The following MMP2 variants were observed in gnomAD, a reference collection of about 807,000 sequenced individuals.
The protein encoded by MMP2 is 72 kDa type IV collagenase.
MMP2 carries 39 observed loss-of-function variants against 74.8 expected under a neutral mutation model. The ratio of observed to expected loss-of-function variants is 0.52; its 90% CI spans 0.40 to 0.68. The LOEUF (loss-of-function observed/expected upper bound fraction) is 0.68. Ranked by LOEUF, MMP2 falls within the 30% of genes least tolerant of loss-of-function variation. MMP2 has a pLI of 0.00. For synonymous variants in MMP2, 367 were observed against 339.8 expected, an observed-to-expected ratio of 1.08 and a Z score of -0.88; for missense variants, 803 against 878.3, an observed-to-expected ratio of 0.91 and a Z score of 1.08.
chr16:55,484,838 G>T (rs17859882), intron 3 of MMP2, among the ~76,000 whole-genome samples: 60,744 of 152,060 alleles, frequency 0.4, 12,102 homozygotes, highest in Admixed American at 0.46. Flanking sequence ...ACAAGTGGGT[G>T]GGTGGTACAG....
intron 6 of MMP2, among the ~76,000 whole-genome samples, chr16:55,489,416 G>A (rs113616281): frequency 7.9e-5 from 12 of 151,024 alleles, no homozygotes; most frequent in African/African-American, 2.9e-4. Context: ...AGCAGTGTTG[G>A]CTTAGGGAAA....
chr16:55,488,350 G>A (rs1348687859), intron 5 of MMP2, 193 bp from the exon 6 acceptor site: 5 of 628,178 alleles, frequency 8.0e-6, no homozygotes, highest in Non-Finnish European at 1.4e-5. Context: ...GAGGGATTGG[G>A]ATAACCAGGG....
chr16:55,504,188 G>A (rs983551375), intron 12 of MMP2, among the ~76,000 whole-genome samples: 2 of 152,108 alleles, frequency 1.3e-5, no homozygotes, highest in South Asian at 4.1e-4. Context: ...GGTGTTGTTA[G>A]ATATTCTATA....
intron 9 of MMP2, among the ~76,000 whole-genome samples, chr16:55,494,504 G>C (rs891932232): frequency 6.6e-6 from 1 of 152,130 alleles, no homozygotes; most frequent in African/African-American, 2.4e-5. Context: ...TGATGTTCTC[G>C]GGACAGTGGG....
Position 55,485,355 on chromosome 16 carries a change from G to A in MMP2, c.586G>A (p.Ala196Thr). Residue 196 changes from alanine (A) to threonine (T), a missense_variant, in exon 4 of 13, where the codon GCC (alanine) becomes ACC (threonine). Transcript: ENST00000219070. ...GGACGGACTCCTGGCTCATGCCTTCGCCCCAGGCACTGGTGTTGGGGGAGA... is the reference window on the plus strand; with the variant it reads ...GGACGGACTCCTGGCTCATGCCTTCACCCCAGGCACTGGTGTTGGGGGAGA... The part of the protein sequence containing the change: ...GKDGLLAHAF[A>T]PGTGVGGDSH... 2 of 1,614,078 alleles carry A rather than the reference G, an allele frequency of 1.2e-6. No homozygotes were observed. The highest frequency in any genetic ancestry group is 1.7e-6 in the Non-Finnish European group (2 of 1,180,006).
chr16:55,490,399 T>C (rs1962376335), intron 7 of MMP2, among the ~76,000 whole-genome samples: 1 of 152,180 alleles, frequency 6.6e-6, no homozygotes, highest in Admixed American at 6.5e-5. Context: ...TGGTGGGTCC[T>C]CGTCAGTCCT....
At chr16:55,498,156 C>G (rs1475009397) in intron 10 of MMP2, 133 bp from the exon 11 acceptor site, 7 of 1,182,606 alleles carry the variant, frequency 5.9e-6, no homozygotes, top group Non-Finnish European at 7.4e-6. Context: ...GGCACTGCAA[C>G]CAGGAGTGAG....
chr16:55,483,168 T>C (rs1330678153), intron 2 of MMP2, 33 bp downstream of exon 2: 2 of 1,570,872 alleles, frequency 1.3e-6, no homozygotes, highest in African/African-American at 1.4e-5. Flanking sequence ...GGCAGGGCCA[T>C]GGGGCTGAGG....
chr16:55,505,192 C>A (rs1962768858), intron 12 of MMP2, 147 bp from the exon 13 acceptor site: 2 of 773,360 alleles, frequency 2.6e-6, no homozygotes, highest in Non-Finnish European at 2.3e-6. Flanking sequence ...TGGGCTCAAG[C>A]AATCCTCCTG....
At position 55,502,676 on chromosome 16, in the gene MMP2, C is replaced by T. The variant is rs142439892; in HGVS notation, c.1770-103C>T. 3.2e-4 allele frequency: 324 copies of T among 1,017,836 alleles called. 1 individual carries two copies. The African/African-American group carries it at 3.9e-3, about 12-fold the overall frequency. The allele number at this position is 1,017,836 out of a possible 1,614,324, so 63.1% of individuals were successfully genotyped here. On this transcript the variant is annotated intron_variant, in intron 11 of 12. Coordinates refer to ENST00000219070, the MANE Select transcript of MMP2 (RefSeq NM_004530.6). ...TCCCTGAAGGGCTAGGTCCAGTTTCCGAGGCCTATCCAGGAGCCATCAGCT... is the reference window on the plus strand; with the variant it reads ...TCCCTGAAGGGCTAGGTCCAGTTTCTGAGGCCTATCCAGGAGCCATCAGCT...
rs766093882 is a variant in MMP2 at position 55,505,445 on chromosome 16, T to C, written c.*3T>C. The C allele has an allele frequency of 6.2e-7, 1 of 1,613,614 alleles. No homozygotes were observed. Among genetic ancestry groups the C allele is most frequent in the Non-Finnish European group, 8.5e-7 (1 of 1,179,554 alleles). On this transcript the variant is annotated 3_prime_UTR_variant, in exon 13 of 13. Transcript: ENST00000219070. ...AATCCGACTGGCTAGGCTGCTGAGC[T>C]GGCCCTGGCTCCCACAGGCCCTTCC...
At chr16:55,489,866 C>T in intron 7 of MMP2, 42 bp downstream of exon 7, 1 of 1,604,734 alleles carries the variant, frequency 6.2e-7, no homozygotes, top group Non-Finnish European at 8.5e-7. Context: ...TGGACATTGC[C>T]CTTGCCCCTA....
intron 8 of MMP2, among the ~76,000 whole-genome samples, chr16:55,492,824 ATC>A (rs772864179): frequency 7.2e-5 from 11 of 152,154 alleles, no homozygotes; most frequent in African/African-American, 1.2e-4. Flanking sequence ...GGGCATAAGA[ATC>A]TGAGCTTTGG....
chr16:55,482,932 C>G lies in MMP2; in HGVS notation c.177C>G (p.Gly59=). 1 of 1,614,182 alleles carries G rather than the reference C, an allele frequency of 6.2e-7. No homozygotes were observed. The highest frequency in any genetic ancestry group is 8.5e-7 in the Non-Finnish European group (1 of 1,180,022). The change falls in exon 2 of 13, where the codon GGC becomes GGG. Residue 59 remains glycine, a synonymous_variant. Transcript: ENST00000219070. ...AGCAATACCTGAACACCTTCTATGG[C>G]TGCCCCAAGGAGAGCTGCAACCTGT... is the stretch of plus-strand genomic sequence containing the variant. ...LAVQYLNTFY[G]CPKESCNLFV... is the part of the protein sequence containing the mutation.
At chr16:55,493,775 G>T (rs756317897) in intron 9 of MMP2, among the ~76,000 whole-genome samples, 2 of 152,200 alleles carry the variant, frequency 1.3e-5, no homozygotes, top group African/African-American at 2.4e-5. Flanking sequence ...AAATCAAAAT[G>T]GAGGGAAGAA....
rs1192233097 is a variant in MMP2 at position 55,498,497 on chromosome 16, CAG to C, written c.1769+53_1769+54del. 5.6e-6 allele frequency: 9 copies of C among 1,613,062 alleles called. No individual in the cohort carries two copies. In the African/African-American group the frequency reaches 1.2e-4, roughly 22 times the overall value. On this transcript the variant is annotated intron_variant, in intron 11 of 12. Transcript: ENST00000219070. The stretch of plus-strand genomic sequence containing the variant: ...CAGCAGCACAGTTGGCTGCGAGAGA[CAG>C]AGAAGCCGCCCTGAGGCTTCAAGCC...
At position 55,484,126 on chromosome 16, in the gene MMP2, A is replaced by C. The variant is rs1165543244; in HGVS notation, c.491A>C (p.Asp164Ala). Reference protein sequence around the residue: ...VTPLRFSRIHDGEADIMINFG... With the variant: ...VTPLRFSRIHAGEADIMINFG... Reference sequence around the variant, plus strand: ...CCACTGCGGTTTTCTCGAATCCATGATGGAGAGGCAGACATCATGATCAAC... The same window carrying C: ...CCACTGCGGTTTTCTCGAATCCATGCTGGAGAGGCAGACATCATGATCAAC... The change falls in exon 3 of 13, where the codon GAT becomes GCT. Residue 164 changes from aspartate to alanine, a missense_variant. Transcript: ENST00000219070. 6.2e-7 allele frequency: 1 copy of C among 1,614,160 alleles called. No individual in the cohort carries two copies. The highest frequency in any genetic ancestry group is 8.5e-7 in the Non-Finnish European group (1 of 1,180,038).
intron 11 of MMP2, among the ~76,000 whole-genome samples, chr16:55,500,849 A>G (rs1456665512): frequency 6.6e-6 from 1 of 152,212 alleles, no homozygotes; most frequent in Non-Finnish European, 1.5e-5. Context: ...AGAGCCCCAG[A>G]GTGACAGAGG....
rs754848720 is a variant in MMP2 at position 55,485,333 on chromosome 16, C to G, written c.564C>G (p.Asp188Glu). 1 of 1,614,070 alleles carries G rather than the reference C, an allele frequency of 6.2e-7. No homozygotes were observed. Among genetic ancestry groups the G allele is most frequent in the Non-Finnish European group, 8.5e-7 (1 of 1,180,000 alleles). Residue 188 changes from aspartate to glutamate, a missense_variant, in exon 4 of 13, where the codon GAC (aspartate) becomes GAG (glutamate). Around this residue, in one of 3 missense-constraint regions of MMP2, gnomAD observed 25 missense variants for 53.5 expected, o/e 0.47. Transcript: ENST00000219070. ...ATGGATACCCCTTTGACGGTAAGGA[C>G]GGACTCCTGGCTCATGCCTTCGCCC... ...HGDGYPFDGK[D>E]GLLAHAFAPG... is the part of the protein sequence containing the mutation.
Sources: allele counts gnomAD v4.1 joint callset (sites outside exome capture counted in the v4.1 genomes callset), GRCh38; gene constraint gnomAD v4.1.1; regional missense constraint gnomAD v4.1.1; transcripts MANE v1.5; gene names NCBI Gene and HGNC (gene_info 2026-07-23, HGNC 2026-07-21).